The following UBQLN4 variants were observed in gnomAD, a reference collection of about 807,000 sequenced individuals.
UBQLN4 encodes the protein ubiquilin-4.
A neutral mutation model predicts 60.4 loss-of-function variants in UBQLN4; 11 were observed. The ratio of observed to expected loss-of-function variants is 0.18; its 90% confidence interval spans 0.11 to 0.30. The LOEUF (loss-of-function observed/expected upper bound fraction) is 0.30, where lower values mean the gene tolerates loss of function less well. UBQLN4 is among the 10% of genes least tolerant of loss of function. The pLI, the probability that UBQLN4 is intolerant of heterozygous loss-of-function variation, is 1.00. For missense variants in UBQLN4, 417 were observed against 795.5 expected, an observed-to-expected ratio of 0.52 and a Z score of 5.72; for synonymous variants, 258 against 313.1, an observed-to-expected ratio of 0.82 and a Z score of 1.86.
chr1:156,036,114 G>A lies in UBQLN4; in HGVS notation c.*864C>T, dbSNP rs34465438. 1.0e-6 allele frequency: 1 copy of A among 985,526 alleles called. No homozygotes were observed. Among genetic ancestry groups the A allele is most frequent in the Non-Finnish European group, 1.2e-6 (1 of 829,942 alleles). The allele number at this position is 985,526 out of a possible 1,614,324, so 61.0% of individuals were successfully genotyped here. A position where few individuals can be genotyped will look rare whatever the true frequency, so the allele number is the denominator to read the frequency against. On this transcript the variant is annotated 3_prime_UTR_variant, in exon 11 of 11. Transcript: ENST00000368309. ...TGGGGCGTGGCGCTTAGCTTCATTGGGCTCCTTTTTTCAGTTTAAATTCCA... is the reference window on the plus strand; with the variant it reads ...TGGGGCGTGGCGCTTAGCTTCATTGAGCTCCTTTTTTCAGTTTAAATTCCA...
chr1:156,033,857 CA>C (rs990013197), downstream of UBQLN4, among the ~76,000 whole-genome samples: 27 of 139,080 alleles, frequency 1.9e-4, no homozygotes, highest in East Asian at 2.2e-4. Flanking sequence ...AAAAAAAAAC[CA>C]AAAAAAAAAA....
chr1:156,041,400 C>A, intron 10 of UBQLN4, 85 bp downstream of exon 10: 2 of 1,411,872 alleles, frequency 1.4e-6, no homozygotes, highest in South Asian at 3.2e-5. Context: ...CAAGCTTGCC[C>A]TACTGCCTCT....
At chr1:156,032,513 G>GA (rs201947466), downstream of UBQLN4, among the ~76,000 whole-genome samples, 3,511 of 118,950 alleles carry the variant, frequency 0.03, 97 homozygotes, top group African/African-American at 0.083. Flanking sequence ...CTCCGTCTCA[G>GA]AAAAAAAAAA....
In UBQLN4 at chr1:156,044,116, C is replaced by T. The variant is rs763483446; in HGVS notation, c.1008G>A (p.Ser336=). The T allele has an allele frequency of 1.3e-5, 21 of 1,585,586 alleles. No individual in the cohort carries two copies. The Admixed American group carries it at 1.9e-4, about 15-fold the overall frequency. The change falls in exon 6 of 11, where the codon TCG becomes TCA. Residue 336 remains serine, a synonymous_variant. Coordinates refer to ENST00000368309, the MANE Select transcript of UBQLN4 (RefSeq NM_020131.5). ...REPLPNPWSP[S]PPTSQAPGSG... ...ACCCGGGGGCCTGGGAGGTGGGGGG[C>T]GAGGGGCTCCAGGGGTTAGGGAGGG...
Position 156,048,715 on chromosome 1 carries a change from G to C in UBQLN4, c.742-56C>G, listed in dbSNP as rs1391028233. ...CGGAACCAGGGGAGCACCAACCTAG[G>C]AAAAGGGTGGGCCTTGAGGAAGGGG... On this transcript the variant is annotated intron_variant, in intron 4 of 10. Coordinates refer to ENST00000368309, the MANE Select transcript of UBQLN4 (RefSeq NM_020131.5). This position sits in a 1 kb window ranked among gnomAD's most constrained non-coding sequence, Gnocchi z 4.9. The C allele has an allele frequency of 1.3e-6, 2 of 1,580,730 alleles. No homozygotes were observed. The highest frequency in any genetic ancestry group is 4.5e-5 in the East Asian group (2 of 44,344).
At chr1:156,041,333 C>G (rs1683557440) in intron 10 of UBQLN4, 152 bp downstream of exon 10, 3 of 719,906 alleles carry the variant, frequency 4.2e-6, no homozygotes, top group Non-Finnish European at 2.1e-6. Flanking sequence ...AAACTGAACT[C>G]AGGGAGCATC....
downstream of UBQLN4, among the ~76,000 whole-genome samples, chr1:156,032,418 G>C (rs1002917099): frequency 2.0e-5 from 3 of 151,384 alleles, no homozygotes; most frequent in Admixed American, 6.6e-5. Flanking sequence ...GGGCGAGGCA[G>C]GAGAATCACT....
intron 5 of UBQLN4, among the ~76,000 whole-genome samples, chr1:156,046,329 A>G (rs1683698384): frequency 1.2e-5 from 1 of 84,494 alleles, no homozygotes; most frequent in Non-Finnish European, 2.8e-5. Context: ...CTCTACTAAT[A>G]ATACAAAAAA....
At position 156,050,006 on chromosome 1, in the gene UBQLN4, T is replaced by C. The variant is rs558856152; in HGVS notation, c.741+285A>G. 6.6e-6 allele frequency among the ~76,000 whole-genome samples: 1 copy of C among 152,290 alleles called. No individual in the cohort carries two copies. Among genetic ancestry groups the C allele is most frequent in the African/African-American group, 2.4e-5 (1 of 41,560 alleles). ...ATTTCTTAAGGCCTCCTCTAAGCCT[T>C]AGGGTAGGGTCAGGAGCTCTTCTCT... On this transcript the variant is annotated intron_variant, in intron 4 of 10. Transcript: ENST00000368309. This position sits in a 1 kb window ranked among gnomAD's most constrained non-coding sequence, Gnocchi z 4.6.
chr1:156,038,369 T>TA (rs921408673), intron 10 of UBQLN4, among the ~76,000 whole-genome samples: 1 of 149,956 alleles, frequency 6.7e-6, no homozygotes, highest in Non-Finnish European at 1.5e-5. Flanking sequence ...GAGTACATCT[T>TA]AAAAAAACAA....
intron 1 of UBQLN4, among the ~76,000 whole-genome samples, chr1:156,053,149 C>A (rs1683922511): frequency 6.6e-6 from 1 of 152,194 alleles, no homozygotes; most frequent in South Asian, 2.1e-4. Flanking sequence ...TGGGAAGGAT[C>A]TGGGCACAGG....
At chr1:156,038,727 C>T (rs1042672633) in intron 10 of UBQLN4, among the ~76,000 whole-genome samples, 9 of 151,916 alleles carry the variant, frequency 5.9e-5, no homozygotes, top group African/African-American at 2.2e-4. Context: ...TGCTATGTTG[C>T]CCAGGCTGGT....
downstream of UBQLN4, among the ~76,000 whole-genome samples, chr1:156,033,868 A>C (rs1477925617): frequency 6.6e-6 from 1 of 151,698 alleles, no homozygotes; most frequent in African/African-American, 2.4e-5. Flanking sequence ...AAAAAAAAAA[A>C]AACAAAAACA....
At chr1:156,033,453 G>A (rs924398749), downstream of UBQLN4, among the ~76,000 whole-genome samples, 1 of 152,002 alleles carries the variant, frequency 6.6e-6, no homozygotes, top group Non-Finnish European at 1.5e-5. Context: ...TGAACATCCC[G>A]TTTGCTTGCT....
At position 156,052,389 on chromosome 1, in the gene UBQLN4, C is replaced by T. The variant is rs1007143948; in HGVS notation, c.109-532G>A. Among the ~76,000 whole-genome samples the T allele has an allele frequency of 3.3e-5, 5 of 152,306 alleles. No individual in the cohort carries two copies. In the East Asian group the frequency reaches 7.7e-4, roughly 23 times the overall value. ...TAGCCCAGGCTGGAGTGCAGAGGTG[C>T]GATCTTGGCTCACTGTAACCTCCAT... On this transcript the variant is annotated intron_variant, in intron 1 of 10. Coordinates refer to ENST00000368309, the MANE Select transcript of UBQLN4 (RefSeq NM_020131.5).
chr1:156,053,443 C>T (rs1395729726), intron 1 of UBQLN4, 151 bp downstream of exon 1: 3 of 518,922 alleles, frequency 5.8e-6, no homozygotes, highest in Non-Finnish European at 9.1e-6. Flanking sequence ...CGCCCCCTAC[C>T]CGCCTCTCCT....
intron 1 of UBQLN4, among the ~76,000 whole-genome samples, 196 bp downstream of exon 1, chr1:156,053,398 A>C (rs1572284152): frequency 2.2e-5 from 3 of 135,816 alleles, no homozygotes; most frequent in African/African-American, 5.6e-5. Context: ...GCCCCTCAAC[A>C]CGCGCCACGC....
chr1:156,034,850 T>G, downstream of UBQLN4, among the ~76,000 whole-genome samples: 1 of 111,884 alleles, frequency 8.9e-6, no homozygotes, highest in Admixed American at 9.1e-5. Context: ...TATATATATA[T>G]ATATATATAT....
downstream of UBQLN4, among the ~76,000 whole-genome samples, chr1:156,031,664 C>T (rs562250911): frequency 9.2e-5 from 14 of 151,754 alleles, no homozygotes; most frequent in African/African-American, 3.1e-4. Flanking sequence ...CTGCAACCTC[C>T]GCCTCCCGGG....
Sources: gnomAD v4.1 joint callset for allele counts (sites outside exome capture counted in the v4.1 genomes callset) on GRCh38, gnomAD v4.1.1 for gene constraint, Gnocchi (gnomAD v3.1) non-coding constraint, MANE v1.5 for transcripts, NCBI Gene and HGNC (gene_info 2026-07-23, HGNC 2026-07-21) for gene names.